The following IL7 variants were observed in gnomAD, a reference collection of about 807,000 sequenced individuals.
The protein encoded by IL7 is interleukin-7.
A neutral mutation model predicts 21.6 loss-of-function variants in IL7; 3 were observed. The ratio of observed to expected loss-of-function variants is 0.14; its 90% confidence interval spans 0.06 to 0.36. The LOEUF (loss-of-function observed/expected upper bound fraction) is 0.36, where lower values mean the gene tolerates loss of function less well. Among genes scored for constraint, IL7 ranks in the 10% least tolerant of loss-of-function variants. The pLI is 1.00. For missense variants in IL7, 175 were observed against 200.2 expected (o/e 0.87, Z 0.76); for synonymous variants, 62 against 68.1 (o/e 0.91, Z 0.44).
chr8:78,684,268 A>G (rs1809881871), intron 4 of IL7, among the ~76,000 whole-genome samples: 1 of 152,196 alleles, frequency 6.6e-6, no homozygotes, highest in South Asian at 2.1e-4. Flanking sequence ...GGTGTAACAG[A>G]CTCAGTTTCA....
At chr8:78,698,369 A>G in intron 3 of IL7, 1 of 1,485,154 alleles carries the variant, frequency 6.7e-7, no homozygotes, top group Admixed American at 1.9e-5. Flanking sequence ...GTTTTATGTA[A>G]CCTTTTTTAG....
intron 3 of IL7, 76 bp downstream of exon 3, chr8:78,739,926 G>T: frequency 7.6e-7 from 1 of 1,314,724 alleles, no homozygotes; most frequent in Non-Finnish European, 9.9e-7. Flanking sequence ...TCATATAATT[G>T]TCTAACAGAG....
downstream of IL7, among the ~76,000 whole-genome samples, chr8:78,728,565 A>T (rs1811372194): frequency 6.6e-6 from 1 of 152,078 alleles, no homozygotes; most frequent in Admixed American, 6.6e-5. Flanking sequence ...TTGGATATCC[A>T]TATGCATAAA....
chr8:78,678,645 C>G, intron 4 of IL7: 5 of 1,612,018 alleles, frequency 3.1e-6, no homozygotes, highest in Non-Finnish European at 4.2e-6. Context: ...GCTGAAGGAA[C>G]TGATATTCCA....
chr8:78,678,568 A>T (rs1420259001), intron 4 of IL7: 1 of 1,608,902 alleles, frequency 6.2e-7, no homozygotes, highest in Non-Finnish European at 8.5e-7. Context: ...AACAGAAAAA[A>T]CATGGACCCA....
At chr8:78,735,276 C>CTTTTTTTTTTTTTTTTTTGTTTTTTTTTT in intron 5 of IL7, among the ~76,000 whole-genome samples, 1 of 78,518 alleles carries the variant, frequency 1.3e-5, no homozygotes, top group Non-Finnish European at 2.3e-5. Flanking sequence ...CTTTTCTTTT[C>CTTTTTTTTTTTTTTTTTTGTTTTTTTTTT]TTTTTTTTTT....
chr8:78,750,801 G>A (rs1342691292), intron 2 of IL7, among the ~76,000 whole-genome samples: 1 of 152,126 alleles, frequency 6.6e-6, no homozygotes, highest in Non-Finnish European at 1.5e-5. Context: ...TCCAGCCTGG[G>A]CAACAGAGCG....
intron 2 of IL7, chr8:78,762,552 CG>C (rs41308449): frequency 0.14 from 62,968 of 437,782 alleles, 7,690 homozygotes; most frequent in African/African-American, 0.44. Flanking sequence ...GGCCGACGCG[CG>C]GGGGAGGGGC....
At position 78,686,500 on chromosome 8, in the gene IL7, A is replaced by G. The variant is rs907607851; in HGVS notation, n.215-553T>C. ...ACCAAAGAAACCATCTAATTGGAGA[A>G]GGAAACATGAAGAATTCATTGCTAC... is the stretch of plus-strand genomic sequence containing the variant. On this transcript the variant is annotated intron_variant and non_coding_transcript_variant, in intron 3 of 4. Transcript: ENST00000523959. 1.8e-5 allele frequency: 27 copies of G among 1,539,948 alleles called. No homozygotes were observed. The highest frequency in any genetic ancestry group is 2.3e-5 in the Non-Finnish European group (26 of 1,143,080).
intron 2 of IL7, among the ~76,000 whole-genome samples, chr8:78,793,582 C>T (rs1430401088): frequency 1.3e-5 from 2 of 152,050 alleles, no homozygotes; most frequent in Non-Finnish European, 2.9e-5. Context: ...GTGTTGTAAA[C>T]TTTTTTGCTG....
Position 78,793,742 on chromosome 8 carries a change from G to A in IL7, c.147+4330C>T, listed in dbSNP as rs530741238. Among the ~76,000 whole-genome samples, 7 of 152,202 alleles carry A rather than the reference G, an allele frequency of 4.6e-5. No individual in the cohort carries two copies. In the South Asian group the frequency reaches 1.4e-3, roughly 31 times the overall value. On this transcript the variant is annotated intron_variant, in intron 2 of 5. Transcript: ENST00000263851. ...TTCTTTCATAAAAGATTCCTCTGTA[G>A]CATGTGATACTGTTTGAAAGCATTT...
intron 3 of IL7, among the ~76,000 whole-genome samples, chr8:78,712,777 T>C (rs965175165): frequency 7.2e-5 from 11 of 152,290 alleles, no homozygotes; most frequent in African/African-American, 2.2e-4. Context: ...CTAGCCCACA[T>C]TTTAAATATG....
chr8:78,781,148 A>G (rs1007235386), intron 2 of IL7, among the ~76,000 whole-genome samples: 1 of 152,172 alleles, frequency 6.6e-6, no homozygotes, highest in Non-Finnish European at 1.5e-5. Flanking sequence ...ACAGCTCACT[A>G]GTGGACCTTG....
rs190443221 is a variant in IL7, at chr8:78,682,043, A to G, written n.273+3846T>C. Among the ~76,000 whole-genome samples, 3 of 152,012 alleles carry G rather than the reference A, an allele frequency of 2.0e-5. No homozygotes were observed. The East Asian group carries it at 5.8e-4, about 29-fold the overall frequency. On this transcript the variant is annotated intron_variant and non_coding_transcript_variant, in intron 4 of 4. Coordinates refer to the IL7 transcript ENST00000523959. ...CAGGCATGAGCCGTCATACCTAGCC[A>G]TCTTTTAAAGTACCATCTTTTGACT... is the stretch of plus-strand genomic sequence containing the variant.
rs553840999 is a variant in IL7 at position 78,719,803 on chromosome 8, T to C, written n.477-693A>G. Reference sequence around the variant, plus strand: ...TTCACTGATGTCTTTTAGCCATACATAGAAAGATAGGAACCTAATGAAATA... The same window carrying C: ...TTCACTGATGTCTTTTAGCCATACACAGAAAGATAGGAACCTAATGAAATA... On this transcript the variant is annotated intron_variant and non_coding_transcript_variant, in intron 5 of 6. Transcript: ENST00000519833. 11 of 151,888 alleles carry C rather than the reference T, an allele frequency of 7.2e-5. 1 individual carries two copies. In the South Asian group the frequency reaches 2.3e-3, roughly 31 times the overall value. The allele number at this position is 151,888 out of a possible 1,614,324, so 9.4% of individuals were successfully genotyped here.
intron 2 of IL7, among the ~76,000 whole-genome samples, chr8:78,782,090 A>G (rs1177773510): frequency 6.6e-6 from 1 of 152,126 alleles, no homozygotes; most frequent in African/African-American, 2.4e-5. Flanking sequence ...CTCTCTAAAC[A>G]TTATTCTGGT....
intron 3 of IL7, among the ~76,000 whole-genome samples, chr8:78,727,266 T>C (rs890007264): frequency 1.3e-5 from 2 of 152,076 alleles, no homozygotes; most frequent in South Asian, 2.1e-4. Flanking sequence ...ATTCCTGGCA[T>C]AGAACACCTA....
At chr8:78,796,007 T>C (rs1278662771) in intron 2 of IL7, among the ~76,000 whole-genome samples, 1 of 152,042 alleles carries the variant, frequency 6.6e-6, no homozygotes, top group Non-Finnish European at 1.5e-5. Context: ...ATTTCTCCCA[T>C]CTTATGAACA....
intron 3 of IL7, among the ~76,000 whole-genome samples, chr8:78,711,700 TTG>T (rs1810955535): frequency 6.6e-6 from 1 of 152,116 alleles, no homozygotes; most frequent in Non-Finnish European, 1.5e-5. Flanking sequence ...TTTGAAATAG[TTG>T]TTCTTCCTAA....
Sources: gnomAD v4.1 joint callset for allele counts (sites outside exome capture counted in the v4.1 genomes callset) on GRCh38, gnomAD v4.1.1 for gene constraint, MANE v1.5 for transcripts, NCBI Gene and HGNC (gene_info 2026-07-23, HGNC 2026-07-21) for gene names.